Variants in CFAP58 observed in about 807,000 individuals in gnomAD.
The protein encoded by CFAP58 is cilia and flagella associated protein 58, also known as cilia- and flagella-associated protein 58.
Under a neutral mutation model 119.5 loss-of-function variants are expected in CFAP58, and 88 were observed. The ratio of observed to expected loss-of-function variants is 0.74; its 90% CI spans 0.62 to 0.88. CFAP58 has a LOEUF of 0.88. Ranked by LOEUF, CFAP58 falls within the 40% of genes least tolerant of loss-of-function variation. The pLI, the probability that CFAP58 is intolerant of heterozygous loss-of-function variation, is 0.00. For synonymous variants in CFAP58, 365 were observed against 366.3 expected, an observed-to-expected ratio of 1.00 and a Z score of 0.04; for missense variants, 990 against 1,021.2, an observed-to-expected ratio of 0.97 and a Z score of 0.42.
chr10:104,405,889 T>C (rs913795670), intron 14 of CFAP58, among the ~76,000 whole-genome samples: 1 of 152,192 alleles, frequency 6.6e-6, no homozygotes, highest in Non-Finnish European at 1.5e-5. Flanking sequence ...GGTGGGAGGA[T>C]TGCCTGAGCC....
intron 8 of CFAP58, among the ~76,000 whole-genome samples, 173 bp downstream of exon 8, chr10:104,377,066 G>T (rs2011684690): frequency 6.6e-6 from 1 of 152,150 alleles, no homozygotes; most frequent in Non-Finnish European, 1.5e-5. Context: ...TGATTCACTG[G>T]CCATGAATTG....
intron 16 of CFAP58, among the ~76,000 whole-genome samples, chr10:104,448,537 C>G (rs1589940022): frequency 1.3e-5 from 2 of 152,358 alleles, no homozygotes; most frequent in South Asian, 4.1e-4. Flanking sequence ...CACACAGCCA[C>G]AGGATGAAGC....
At chr10:104,429,579 T>A (rs2012809733) in intron 15 of CFAP58, among the ~76,000 whole-genome samples, 1 of 152,232 alleles carries the variant, frequency 6.6e-6, no homozygotes, top group Non-Finnish European at 1.5e-5. Flanking sequence ...AATTGATGTG[T>A]ATTTGGAGAA....
chr10:104,368,636 A>G (rs961350910), intron 6 of CFAP58, 76 bp downstream of exon 6: 21 of 1,521,260 alleles, frequency 1.4e-5, no homozygotes, highest in Middle Eastern at 3.4e-4. Context: ...TGGAGCCCTC[A>G]GTTGGAGAGC....
Position 104,365,993 on chromosome 10 carries a change from G to A in CFAP58, c.777G>A (p.Gln259=). The change falls in exon 5 of 18, where the codon CAG becomes CAA. Residue 259 remains glutamine (Q), a synonymous_variant. Coordinates refer to ENST00000369704, the MANE Select transcript of CFAP58 (RefSeq NM_001008723.2). Reference sequence around the variant, plus strand: ...AGGAGCTTCAGAAGCTGGAGCAGCAGCTGAAGGAGCAGAAGGTGAGTTGGG... The same window carrying A: ...AGGAGCTTCAGAAGCTGGAGCAGCAACTGAAGGAGCAGAAGGTGAGTTGGG... ...SKEELQKLEQ[Q]LKEQKILNER... 6 of 1,601,550 alleles carry A rather than the reference G, an allele frequency of 3.7e-6. No individual in the cohort carries two copies. Among genetic ancestry groups the A allele is most frequent in the Non-Finnish European group, 5.1e-6 (6 of 1,175,132 alleles).
At chr10:104,359,936 T>G (rs1390658054) in intron 2 of CFAP58, among the ~76,000 whole-genome samples, 1 of 152,266 alleles carries the variant, frequency 6.6e-6, no homozygotes, top group African/African-American at 2.4e-5. Flanking sequence ...AATGTAAATA[T>G]CTTTCATTTG....
chr10:104,438,569 G>T (rs1290919303), intron 15 of CFAP58, among the ~76,000 whole-genome samples: 6 of 151,914 alleles, frequency 3.9e-5, no homozygotes, highest in Non-Finnish European at 7.4e-5. Context: ...TAGAGACGGG[G>T]TTTCACCTTG....
intron 16 of CFAP58, among the ~76,000 whole-genome samples, chr10:104,449,487 C>T (rs1460141489): frequency 2.6e-5 from 4 of 152,036 alleles, no homozygotes; most frequent in African/African-American, 4.8e-5. Flanking sequence ...CAGCAGCTAC[C>T]GAACACAGCA....
intron 12 of CFAP58, among the ~76,000 whole-genome samples, chr10:104,400,116 A>C (rs1361916139): frequency 6.6e-6 from 1 of 152,104 alleles, no homozygotes; most frequent in Non-Finnish European, 1.5e-5. Context: ...AAAACGATAC[A>C]CACATGGGCT....
At chr10:104,390,763 A>G (rs1291037623) in intron 9 of CFAP58, among the ~76,000 whole-genome samples, 2 of 152,344 alleles carry the variant, frequency 1.3e-5, no homozygotes, top group East Asian at 3.9e-4. Flanking sequence ...AATAAGGAAA[A>G]TAAATGTATA....
At position 104,380,159 on chromosome 10, in the gene CFAP58, T is replaced by C; in HGVS notation, c.1304T>C (p.Ile435Thr). Residue 435 changes from isoleucine (I) to threonine (T), a missense_variant, in exon 9 of 18, where the codon ATC (isoleucine) becomes ACC (threonine). Coordinates refer to ENST00000369704, the MANE Select transcript of CFAP58 (RefSeq NM_001008723.2). ...KDEAQKQRKIIFHLEKERDRY... is the reference protein window; with the variant it reads ...KDEAQKQRKITFHLEKERDRY... The stretch of plus-strand genomic sequence containing the variant: ...GAGGCTCAGAAGCAGAGAAAGATCA[T>C]CTTTCATCTGGAAAAGGAGCGTGAC... 6.2e-7 allele frequency: 1 copy of C among 1,614,108 alleles called. No homozygotes were observed.
At chr10:104,339,390 A>G in the CFAP58 span, among the ~76,000 whole-genome samples, 1 of 152,210 alleles carries the variant, frequency 6.6e-6, no homozygotes, top group Admixed American at 6.5e-5. Flanking sequence ...CGAGCTTAAT[A>G]GTTTATGAAA....
intron 15 of CFAP58, among the ~76,000 whole-genome samples, chr10:104,422,800 A>C (rs2012682511): frequency 6.6e-6 from 1 of 152,236 alleles, no homozygotes; most frequent in African/African-American, 2.4e-5. Context: ...CCAATGTCCC[A>C]TTAGCCAAAG....
At chr10:104,346,516 TA>T in the CFAP58 span, among the ~76,000 whole-genome samples, 7 of 151,856 alleles carry the variant, frequency 4.6e-5, no homozygotes, top group African/African-American at 1.2e-4. Context: ...CCCAGCTCAT[TA>T]AAAAAATTTT....
At chr10:104,406,368 G>T (rs532698432) in intron 14 of CFAP58, among the ~76,000 whole-genome samples, 1 of 152,134 alleles carries the variant, frequency 6.6e-6, no homozygotes, top group Non-Finnish European at 1.5e-5. Context: ...CATAGTATCT[G>T]GATGGTGGCA....
chr10:104,359,638 AAT>A (rs1231242120), intron 2 of CFAP58, among the ~76,000 whole-genome samples: 1 of 152,206 alleles, frequency 6.6e-6, no homozygotes, highest in African/African-American at 2.4e-5. Flanking sequence ...CTCTACCAAA[AAT>A]ATAAAAATTA....
intron 15 of CFAP58, among the ~76,000 whole-genome samples, chr10:104,431,930 A>G (rs190358420): frequency 1.2e-3 from 177 of 152,248 alleles, no homozygotes; most frequent in African/African-American, 4.1e-3. Context: ...AAATAATTCC[A>G]TTGTATATCT....
At chr10:104,449,507 A>G (rs917631268) in intron 16 of CFAP58, among the ~76,000 whole-genome samples, 1 of 152,158 alleles carries the variant, frequency 6.6e-6, no homozygotes, top group African/African-American at 2.4e-5. Context: ...AATGGAAGGA[A>G]GCAGATAGTC....
At chr10:104,371,955 A>G (rs145774883) in intron 7 of CFAP58, among the ~76,000 whole-genome samples, 5 of 152,306 alleles carry the variant, frequency 3.3e-5, no homozygotes, top group African/African-American at 1.2e-4. Flanking sequence ...GAGACAACAT[A>G]CGTAAAAGCA....
Sources: allele counts gnomAD v4.1 joint callset (sites outside exome capture counted in the v4.1 genomes callset), GRCh38; gene constraint gnomAD v4.1.1; transcripts MANE v1.5; gene names NCBI Gene and HGNC (gene_info 2026-07-23, HGNC 2026-07-21).